Variants in BACH2 observed in about 807,000 individuals in gnomAD.
The protein encoded by BACH2 is BACH transcriptional regulator 2.
A neutral mutation model predicts 61.8 loss-of-function variants in BACH2; 5 were observed. The ratio of observed to expected loss-of-function variants is 0.08; its 90% CI spans 0.04 to 0.17. The LOEUF (loss-of-function observed/expected upper bound fraction) is 0.17, where lower values mean the gene tolerates loss of function less well. Among genes scored for constraint, BACH2 ranks in the 10% least tolerant of loss-of-function variants. BACH2 has a pLI of 1.00. For missense variants in BACH2, 824 were observed against 1,091.1 expected (o/e 0.76, Z 3.45); for synonymous variants, 446 against 440.1 (o/e 1.01, Z -0.17).
intron 4 of BACH2, among the ~76,000 whole-genome samples, chr6:90,190,663 C>T (rs1768538903): frequency 6.6e-6 from 1 of 152,176 alleles, no homozygotes; most frequent in Non-Finnish European, 1.5e-5. Context: ...ATAATCTGGC[C>T]CACTGATTTC....
At chr6:90,190,134 AG>A (rs1477833085) in intron 4 of BACH2, among the ~76,000 whole-genome samples, 1 of 152,124 alleles carries the variant, frequency 6.6e-6, no homozygotes, top group African/African-American at 2.4e-5. Context: ...TAGTACAGAC[AG>A]GGTTTCACTA....
chr6:90,169,048 C>T (rs1429084326), intron 4 of BACH2, among the ~76,000 whole-genome samples: 1 of 152,082 alleles, frequency 6.6e-6, no homozygotes, highest in Non-Finnish European at 1.5e-5. Context: ...AGTATCTGTG[C>T]CAACCCTAGA....
At chr6:90,173,135 G>C (rs1248440798) in intron 4 of BACH2, among the ~76,000 whole-genome samples, 3 of 150,046 alleles carry the variant, frequency 2.0e-5, no homozygotes, top group Non-Finnish European at 4.4e-5. Flanking sequence ...AAAAACAAAA[G>C]CAAAATCCAA....
intron 5 of BACH2, among the ~76,000 whole-genome samples, chr6:90,074,749 A>C (rs1167443164): frequency 6.6e-6 from 1 of 152,158 alleles, no homozygotes; most frequent in Non-Finnish European, 1.5e-5. Context: ...GGGATCATTA[A>C]TGGGAGATTC....
chr6:90,036,710 G>C (rs1779280713), intron 5 of BACH2, among the ~76,000 whole-genome samples: 2 of 151,982 alleles, frequency 1.3e-5, no homozygotes, highest in Non-Finnish European at 2.9e-5. Flanking sequence ...TTAGTTTATA[G>C]TTTTTTTCTT....
chr6:90,245,550 C>T lies in BACH2; in HGVS notation c.-275+6963G>A, dbSNP rs191672407. Among the ~76,000 whole-genome samples, 14 of 152,270 alleles carry T rather than the reference C, an allele frequency of 9.2e-5. No homozygotes were observed. In the East Asian group the frequency reaches 1.5e-3, roughly 17 times the overall value. Reference sequence around the variant, plus strand: ...CTGCACTCCGGCCTGGTTGACAGAACGAGATCCCATCTCTGAAGAATTTTT... The same window carrying T: ...CTGCACTCCGGCCTGGTTGACAGAATGAGATCCCATCTCTGAAGAATTTTT... On this transcript the variant is annotated intron_variant, in intron 3 of 8. Transcript: ENST00000257749.
intron 4 of BACH2, among the ~76,000 whole-genome samples, chr6:90,141,203 T>C (rs1784445711): frequency 6.6e-6 from 1 of 152,144 alleles, no homozygotes; most frequent in Admixed American, 6.6e-5. Flanking sequence ...CACCCAGGGA[T>C]GGAGTCTTGC....
At chr6:90,175,670 G>T (rs1382548091) in intron 4 of BACH2, among the ~76,000 whole-genome samples, 1 of 152,102 alleles carries the variant, frequency 6.6e-6, no homozygotes, top group African/African-American at 2.4e-5. Context: ...GTATCATTAT[G>T]TATTTTACAT....
intron 2 of BACH2, among the ~76,000 whole-genome samples, chr6:90,271,382 A>G (rs1012813175): frequency 7.0e-6 from 1 of 143,818 alleles, no homozygotes; most frequent in Non-Finnish European, 1.5e-5. Flanking sequence ...AAAAAAAAAA[A>G]GAAAAAAGAA....
chr6:89,941,904 G>A (rs1472362755), intron 7 of BACH2, among the ~76,000 whole-genome samples: 1 of 152,128 alleles, frequency 6.6e-6, no homozygotes, highest in Non-Finnish European at 1.5e-5. Flanking sequence ...AAAACACTAG[G>A]GGAATAGGAG....
intron 4 of BACH2, among the ~76,000 whole-genome samples, chr6:90,204,839 C>T (rs1292705039): frequency 6.6e-6 from 1 of 152,212 alleles, no homozygotes; most frequent in African/African-American, 2.4e-5. Context: ...ATTCTAGCAG[C>T]TAACTTCTCA....
intron 4 of BACH2, among the ~76,000 whole-genome samples, chr6:90,164,829 T>C: frequency 6.6e-6 from 1 of 152,168 alleles, no homozygotes; most frequent in Non-Finnish European, 1.5e-5. Flanking sequence ...ATTATCTCAA[T>C]AGATGCAGAA....
At chr6:90,000,818 T>G (rs945872397) in intron 6 of BACH2, among the ~76,000 whole-genome samples, 2 of 152,242 alleles carry the variant, frequency 1.3e-5, no homozygotes, top group Non-Finnish European at 2.9e-5. Flanking sequence ...AGGCCCTTTC[T>G]GAAAAGTCAG....
intron 1 of BACH2, 115 bp downstream of exon 1, chr6:90,296,365 T>G (rs1275534930): frequency 1.3e-5 from 2 of 150,350 alleles, no homozygotes; most frequent in African/African-American, 4.9e-5. Context: ...CGGGGCTCCC[T>G]TCCCGCGCCG....
chr6:90,101,465 T>C (rs928012488), intron 4 of BACH2, among the ~76,000 whole-genome samples: 3 of 152,254 alleles, frequency 2.0e-5, no homozygotes, highest in Non-Finnish European at 1.5e-5. Flanking sequence ...GAATATCCTG[T>C]TGTCCTGGCA....
At chr6:90,146,953 T>C (rs1001796068) in intron 4 of BACH2, among the ~76,000 whole-genome samples, 1 of 152,178 alleles carries the variant, frequency 6.6e-6, no homozygotes, top group African/African-American at 2.4e-5. Context: ...AGACGTAGGA[T>C]AAGTCAAAGT....
At chr6:90,150,733 C>T (rs527562349) in intron 4 of BACH2, among the ~76,000 whole-genome samples, 160 of 152,010 alleles carry the variant, frequency 1.1e-3, no homozygotes, top group African/African-American at 3.7e-3. Flanking sequence ...CAGTGGAGGA[C>T]CCCTTGTGTT....
intron 5 of BACH2, among the ~76,000 whole-genome samples, chr6:90,086,327 C>A (rs974048070): frequency 6.6e-6 from 1 of 152,164 alleles, no homozygotes; most frequent in Non-Finnish European, 1.5e-5. Context: ...CAATTCCCTA[C>A]TTTCACTTTT....
intron 6 of BACH2, among the ~76,000 whole-genome samples, chr6:89,967,882 TGA>T (rs1209592897): frequency 6.6e-6 from 1 of 152,204 alleles, no homozygotes; most frequent in Non-Finnish European, 1.5e-5. Flanking sequence ...GGAGAGTCTC[TGA>T]GTTAATGCTT....
Sources: gnomAD v4.1 joint callset for allele counts (sites outside exome capture counted in the v4.1 genomes callset) on GRCh38, gnomAD v4.1.1 for gene constraint, MANE v1.5 for transcripts, NCBI Gene and HGNC (gene_info 2026-07-23, HGNC 2026-07-21) for gene names.